Variants in ZFHX3 observed in about 807,000 individuals in gnomAD.
ZFHX3 encodes zinc finger homeobox 3, also known as zinc finger homeobox protein 3.
In ZFHX3, 42 loss-of-function variants were observed where a neutral mutation model predicts 279.1. The observed-to-expected ratio is 0.15, with a 90% CI of 0.12 to 0.19. The LOEUF (loss-of-function observed/expected upper bound fraction) is 0.19, where lower values mean the gene tolerates loss of function less well. ZFHX3 is among the 10% of genes least tolerant of loss of function. The pLI, the probability that ZFHX3 is intolerant of heterozygous loss-of-function variation, is 1.00. For missense variants in ZFHX3, 4,981 were observed against 4,754.0 expected (o/e 1.05, Z -1.40); for synonymous variants, 2,293 against 1,957.8 (o/e 1.17, Z -4.52).
intron 1 of ZFHX3, among the ~76,000 whole-genome samples, chr16:73,889,721 A>C (rs954395397): frequency 1.3e-5 from 2 of 152,116 alleles, no homozygotes; most frequent in Non-Finnish European, 2.9e-5. Context: ...CACAGGAGCT[A>C]TTCTCTGTGC....
chr16:73,601,093 T>C (rs74782175), intron 2 of ZFHX3, among the ~76,000 whole-genome samples: 22,571 of 151,764 alleles, frequency 0.15, 2,016 homozygotes, highest in East Asian at 0.2. Flanking sequence ...ACCCAATTCA[T>C]CTCCTGATAA....
At chr16:73,056,513 T>TG (rs1291626517) in intron 1 of ZFHX3, among the ~76,000 whole-genome samples, 1 of 151,966 alleles carries the variant, frequency 6.6e-6, no homozygotes, top group Non-Finnish European at 1.5e-5. Flanking sequence ...GTCTACACTT[T>TG]GGGGGTTCAG....
chr16:73,392,418 C>CAAAAAAAAAAAAAAAAAAAA (rs35019692), intron 3 of ZFHX3, among the ~76,000 whole-genome samples: 4 of 35,782 alleles, frequency 1.1e-4, no homozygotes, highest in Admixed American at 4.8e-4. Context: ...GACCCTGTCT[C>CAAAAAAAAAAAAAAAAAAAA]AAAAAAAAAA....
At chr16:73,278,081 T>C (rs190415585) in intron 4 of ZFHX3, among the ~76,000 whole-genome samples, 1 of 152,308 alleles carries the variant, frequency 6.6e-6, no homozygotes, top group Non-Finnish European at 1.5e-5. Context: ...AGGACACAGA[T>C]CTAAACCATA....
intron 5 of ZFHX3, among the ~76,000 whole-genome samples, chr16:72,828,667 G>A (rs1018080858): frequency 1.3e-5 from 2 of 152,160 alleles, no homozygotes; most frequent in African/African-American, 4.8e-5. Context: ...GCCCCCAAAT[G>A]CAGGACAAAG....
At chr16:73,754,083 G>A (rs989293047) in intron 1 of ZFHX3, among the ~76,000 whole-genome samples, 2 of 151,176 alleles carry the variant, frequency 1.3e-5, no homozygotes, top group African/African-American at 4.9e-5. Flanking sequence ...CATCCACACT[G>A]CAAACTCCTC....
At chr16:73,410,235 G>A (rs1345641930) in intron 3 of ZFHX3, among the ~76,000 whole-genome samples, 2 of 152,128 alleles carry the variant, frequency 1.3e-5, no homozygotes, top group Admixed American at 6.5e-5. Flanking sequence ...GACCAACATG[G>A]TGAAACCCCA....
chr16:72,927,670 C>A (rs974608044), intron 3 of ZFHX3, among the ~76,000 whole-genome samples: 1 of 151,956 alleles, frequency 6.6e-6, no homozygotes, highest in African/African-American at 2.4e-5. Flanking sequence ...CACAGCCCCC[C>A]GCCCCTCCGG....
chr16:73,310,999 G>A (rs934985666), intron 4 of ZFHX3, among the ~76,000 whole-genome samples: 6 of 152,088 alleles, frequency 3.9e-5, no homozygotes, highest in East Asian at 3.9e-4. Context: ...TTGCGAGGCC[G>A]AGGCAGGCGG....
At chr16:73,723,928 C>T (rs1359481906) in intron 1 of ZFHX3, among the ~76,000 whole-genome samples, 2 of 152,278 alleles carry the variant, frequency 1.3e-5, no homozygotes, top group Admixed American at 1.3e-4. Context: ...ATACTATTAT[C>T]AATAGGTGAG....
chr16:73,238,632 T>C (rs557962755), intron 5 of ZFHX3, among the ~76,000 whole-genome samples: 2 of 152,278 alleles, frequency 1.3e-5, no homozygotes, highest in Non-Finnish European at 2.9e-5. Flanking sequence ...CTACAGAAAG[T>C]GCAAATGTGA....
At chr16:73,567,868 A>AT (rs113016982) in intron 2 of ZFHX3, among the ~76,000 whole-genome samples, 29,617 of 151,796 alleles carry the variant, frequency 0.2, 3,864 homozygotes, top group African/African-American at 0.38. Context: ...TAATTGAAAG[A>AT]TTTTTTTTTC....
chr16:73,024,416 C>T (rs1443909090), intron 1 of ZFHX3, among the ~76,000 whole-genome samples: 1 of 152,158 alleles, frequency 6.6e-6, no homozygotes, highest in Non-Finnish European at 1.5e-5. Context: ...CAGCCACGGG[C>T]AGGAGGCACC....
intron 5 of ZFHX3, among the ~76,000 whole-genome samples, chr16:73,225,838 C>T (rs774830596): frequency 6.6e-6 from 1 of 152,148 alleles, no homozygotes; most frequent in Non-Finnish European, 1.5e-5. Flanking sequence ...GCAACAGCCA[C>T]TTCACTAACT....
chr16:73,685,613 G>A (rs1413055201), intron 1 of ZFHX3, among the ~76,000 whole-genome samples: 1 of 152,206 alleles, frequency 6.6e-6, no homozygotes, highest in Non-Finnish European at 1.5e-5. Context: ...CACCAAGTTT[G>A]CGGTAGCATG....
intron 3 of ZFHX3, among the ~76,000 whole-genome samples, chr16:72,904,370 A>C (rs4788484): frequency 0.25 from 15,391 of 60,688 alleles, 1,062 homozygotes; most frequent in Non-Finnish European, 0.35. Flanking sequence ...CTGTCTCAAA[A>C]TAAATAAATA....
At chr16:72,963,725 T>A (rs901873141) in intron 1 of ZFHX3, among the ~76,000 whole-genome samples, 1 of 152,190 alleles carries the variant, frequency 6.6e-6, no homozygotes, top group African/African-American at 2.4e-5. Flanking sequence ...GATGACAGTT[T>A]TATCCTGTTC....
chr16:73,024,412 C>A (rs143965605), intron 1 of ZFHX3, among the ~76,000 whole-genome samples: 1 of 152,122 alleles, frequency 6.6e-6, no homozygotes, highest in African/African-American at 2.4e-5. Flanking sequence ...CCCCCAGCCA[C>A]GGGCAGGAGG....
At chr16:73,080,583 T>G (rs548137052) in intron 8 of ZFHX3, among the ~76,000 whole-genome samples, 1 of 152,148 alleles carries the variant, frequency 6.6e-6, no homozygotes, top group African/African-American at 2.4e-5. Flanking sequence ...TTTTCTTTGT[T>G]TTTTTTTTGA....
Sources: gnomAD v4.1 joint callset for allele counts (sites outside exome capture counted in the v4.1 genomes callset) on GRCh38, gnomAD v4.1.1 for gene constraint, MANE v1.5 for transcripts, NCBI Gene and HGNC (gene_info 2026-07-23, HGNC 2026-07-21) for gene names.